The following ATAD2B variants were observed in gnomAD, a reference collection of about 807,000 sequenced individuals.
ATAD2B encodes ATPase family AAA domain-containing protein 2B.
A neutral mutation model predicts 167.6 loss-of-function variants in ATAD2B; 40 were observed. That is an observed-to-expected ratio of 0.24 (90% CI 0.19 to 0.31). The LOEUF is 0.31. Among genes scored for constraint, ATAD2B ranks in the 10% least tolerant of loss-of-function variants. ATAD2B has a pLI of 1.00. For synonymous variants in ATAD2B, 579 were observed against 596.5 expected, an observed-to-expected ratio of 0.97 and a Z score of 0.43; for missense variants, 1,242 against 1,757.2, an observed-to-expected ratio of 0.71 and a Z score of 5.24.
At chr2:23,892,321 G>A (rs1403741257) in intron 2 of ATAD2B, among the ~76,000 whole-genome samples, 1 of 152,016 alleles carries the variant, frequency 6.6e-6, no homozygotes, top group Non-Finnish European at 1.5e-5. Flanking sequence ...CCGCCACCAC[G>A]CCTGGCTAAT....
rs958734482 is a variant in ATAD2B, at chr2:23,749,749, T to C, written c.*2297A>G. 3 of 152,160 alleles carry C rather than the reference T, an allele frequency of 2.0e-5. No individual in the cohort carries two copies. Among genetic ancestry groups the C allele is most frequent in the Admixed American group, 6.6e-5 (1 of 15,258 alleles). The allele number at this position is 152,160 out of a possible 1,614,324, so 9.4% of individuals were successfully genotyped here. On this transcript the variant is annotated 3_prime_UTR_variant, in exon 28 of 28. Coordinates refer to ENST00000238789, the MANE Select transcript of ATAD2B (RefSeq NM_017552.4). ...AAACAAACAAAAGCAACTTGATCTT[T>C]TGGAAGCATTTTAATGCTGAAAATA...
Position 23,798,380 on chromosome 2 carries a change from C to T in ATAD2B, c.2455-57G>A, listed in dbSNP as rs565580005. 121 of 1,329,464 alleles carry T rather than the reference C, an allele frequency of 9.1e-5. 3 individuals are homozygous for T. The South Asian group carries it at 1.8e-3, about 19-fold the overall frequency. 82.4% of individuals were successfully genotyped at this position (1,329,464 alleles called of 1,614,324 possible). On this transcript the variant is annotated intron_variant, in intron 18 of 27. Transcript: ENST00000238789. ...CTCAAATTGATTATTCTAAAGTCTA[C>T]CCAGTAATCTCCAAATACATGAAAT... is the stretch of plus-strand genomic sequence containing the variant.
the ATAD2B span, among the ~76,000 whole-genome samples, chr2:23,699,611 T>TATCA: frequency 4.6e-4 from 70 of 152,336 alleles, no homozygotes; most frequent in African/African-American, 1.6e-3. Flanking sequence ...ACTCATGTTC[T>TATCA]ATCACTTCAT....
chr2:23,919,563 C>T (rs1197913611), intron 1 of ATAD2B, among the ~76,000 whole-genome samples: 5 of 151,318 alleles, frequency 3.3e-5, no homozygotes, highest in Non-Finnish European at 7.4e-5. Flanking sequence ...GTATTAGGGG[C>T]CGGGTGCAGT....
At chr2:23,833,387 T>TG (rs1048188425) in intron 14 of ATAD2B, among the ~76,000 whole-genome samples, 1 of 4,416 alleles carries the variant, frequency 2.3e-4, no homozygotes, top group Non-Finnish European at 7.5e-4. Flanking sequence ...GAAGTTGAAT[T>TG]GGGAAAAAAA....
At chr2:23,798,453 C>G (rs1417531153) in intron 18 of ATAD2B, 130 bp from the exon 19 acceptor site, 3 of 649,902 alleles carry the variant, frequency 4.6e-6, no homozygotes, top group East Asian at 6.0e-5. Flanking sequence ...AATTTAAGTT[C>G]AAGATATGAT....
chr2:23,822,487 G>C (rs1687593767), intron 16 of ATAD2B, among the ~76,000 whole-genome samples: 1 of 151,798 alleles, frequency 6.6e-6, no homozygotes, highest in Non-Finnish European at 1.5e-5. Context: ...AGAGGTTACA[G>C]TGAGCCAAGA....
At position 23,869,673 on chromosome 2, in the gene ATAD2B, C is replaced by T. The variant is rs1301428784; in HGVS notation, c.1066G>A (p.Ala356Thr). 1.9e-6 allele frequency: 3 copies of T among 1,560,960 alleles called. No individual in the cohort carries two copies. The highest frequency in any genetic ancestry group is 1.7e-6 in the Non-Finnish European group (2 of 1,150,172). The change falls in exon 9 of 28, where the codon GCA (alanine) becomes ACA (threonine). Residue 356 changes from alanine to threonine, a missense_variant. Ala to Thr is a moderately conservative substitution (Grantham distance 58). Coordinates refer to ENST00000238789, the MANE Select transcript of ATAD2B (RefSeq NM_017552.4). ...ACAAATTTTACTAACCTATTTCTTG[C>T]TCTTGCCATGCTCTTTGATTTCCTT... ...ERRKSKSMAR[A>T]RNRCLPMNFR...
At chr2:23,882,356 C>T (rs559754211) in intron 6 of ATAD2B, among the ~76,000 whole-genome samples, 354 of 151,952 alleles carry the variant, frequency 2.3e-3, no homozygotes, top group African/African-American at 8.1e-3. Flanking sequence ...CCACAATGCC[C>T]GGCTAATTTT....
At chr2:23,713,775 A>T in the ATAD2B span, among the ~76,000 whole-genome samples, 1 of 152,170 alleles carries the variant, frequency 6.6e-6, no homozygotes, top group South Asian at 2.1e-4. Flanking sequence ...ATATTATTCC[A>T]TTATACAGAT....
At chr2:23,693,815 G>A in the ATAD2B span, among the ~76,000 whole-genome samples, 1 of 152,192 alleles carries the variant, frequency 6.6e-6, no homozygotes, top group African/African-American at 2.4e-5. Context: ...CCAGGAACAC[G>A]GACCCAGCTG....
chr2:23,745,368 A>AGAAGGAAG (rs767435573), downstream of ATAD2B, among the ~76,000 whole-genome samples: 7,930 of 52,748 alleles, frequency 0.15, 1,051 homozygotes, highest in East Asian at 0.2. Context: ...AAGGAAGGAA[A>AGAAGGAAG]GAAGGAAGGA....
chr2:23,862,016 C>T (rs1161645791), intron 12 of ATAD2B, among the ~76,000 whole-genome samples: 3 of 152,170 alleles, frequency 2.0e-5, no homozygotes, highest in South Asian at 2.1e-4. Flanking sequence ...GCCTAGGCAA[C>T]ACCTTGGGAC....
At chr2:23,688,133 C>T in the ATAD2B span, among the ~76,000 whole-genome samples, 1 of 152,194 alleles carries the variant, frequency 6.6e-6, no homozygotes, top group Non-Finnish European at 1.5e-5. Flanking sequence ...CATGTCTCAT[C>T]TTGGATGCTG....
chr2:23,801,392 G>A (rs1345570322), intron 18 of ATAD2B, among the ~76,000 whole-genome samples: 3 of 152,022 alleles, frequency 2.0e-5, no homozygotes, highest in Admixed American at 6.6e-5. Flanking sequence ...CAATGAAGCG[G>A]CAACTGGCTT....
chr2:23,828,732 G>T, intron 15 of ATAD2B, 117 bp downstream of exon 15: 1 of 627,794 alleles, frequency 1.6e-6, no homozygotes. Context: ...TAAAGGTAGA[G>T]ACAATCTATT....
chr2:23,863,122 G>A (rs752100937), intron 12 of ATAD2B, among the ~76,000 whole-genome samples: 5 of 152,182 alleles, frequency 3.3e-5, no homozygotes, highest in African/African-American at 4.8e-5. Context: ...GCTGGCCAAC[G>A]TGGTGAAATC....
Position 23,823,535 on chromosome 2 carries a change from A to G in ATAD2B, c.1854T>C (p.Thr618=), listed in dbSNP as rs1482646581. 7.4e-6 allele frequency: 12 copies of G among 1,613,002 alleles called. No individual in the cohort carries two copies. The highest frequency in any genetic ancestry group is 7.6e-6 in the Non-Finnish European group (9 of 1,179,866). Residue 618 remains threonine (T), a synonymous_variant, in exon 16 of 28, where the codon ACT becomes ACC. Coordinates refer to ENST00000238789, the MANE Select transcript of ATAD2B (RefSeq NM_017552.4). ...TCCGCAGTGCAATCAGGGCGGCTTC[A>G]GTGCACAGGGCCTTGATATCGGCTC... ...YCGADIKALC[T]EAALIALRRR...
At chr2:23,826,418 G>A (rs1181489391) in intron 15 of ATAD2B, among the ~76,000 whole-genome samples, 1 of 152,050 alleles carries the variant, frequency 6.6e-6, no homozygotes, top group East Asian at 1.9e-4. Context: ...ATATACTACA[G>A]CCTTTTAGGC....
Sources: gnomAD v4.1 joint callset for allele counts (sites outside exome capture counted in the v4.1 genomes callset) on GRCh38, gnomAD v4.1.1 for gene constraint, MANE v1.5 for transcripts, NCBI Gene and HGNC (gene_info 2026-07-23, HGNC 2026-07-21) for gene names.